CDCA5: variants seen among roughly 807,000 people sequenced by gnomAD.
CDCA5 encodes sororin.
CDCA5 carries 14 observed loss-of-function variants against 25.7 expected under a neutral mutation model. That is an observed-to-expected ratio of 0.54 (90% CI 0.36 to 0.85). The LOEUF is 0.85. Among genes scored for constraint, CDCA5 ranks in the 40% least tolerant of loss-of-function variants. The pLI, the probability that CDCA5 is intolerant of heterozygous loss-of-function variation, is 0.01. For missense variants in CDCA5, 307 were observed against 324.5 expected, an observed-to-expected ratio of 0.95 and a Z score of 0.41; for synonymous variants, 127 against 128.7, an observed-to-expected ratio of 0.99 and a Z score of 0.09.
Position 65,083,476 on chromosome 11 carries a change from A to G in CDCA5, c.207+9T>C, listed in dbSNP as rs1947617886. 6.2e-7 allele frequency: 1 copy of G among 1,614,172 alleles called. No individual in the cohort carries two copies. The highest frequency in any genetic ancestry group is 8.5e-7 in the Non-Finnish European group (1 of 1,180,010). ...CCTAACCACCCACAACACTCTCCTT[A>G]GCCTTTACCTCTACAGCATGGGCCA... is the stretch of plus-strand genomic sequence containing the variant. On this transcript the variant is annotated intron_variant, in intron 3 of 5. Coordinates refer to ENST00000275517, the MANE Select transcript of CDCA5 (RefSeq NM_080668.4).
downstream of CDCA5, among the ~76,000 whole-genome samples, chr11:65,065,124 T>C (rs1318356190): frequency 3.3e-5 from 5 of 152,122 alleles, no homozygotes; most frequent in African/African-American, 1.2e-4. Context: ...ACACGAGGAT[T>C]AACGAAGGAA....
chr11:65,083,223 A>AATG, intron 4 of CDCA5, 141 bp downstream of exon 4: 1 of 846,900 alleles, frequency 1.2e-6, no homozygotes, highest in Admixed American at 2.1e-5. Context: ...AAGACTGGCA[A>AATG]TGCATGCAGG....
intron 2 of CDCA5, among the ~76,000 whole-genome samples, chr11:65,068,295 G>A (rs923107306): frequency 6.6e-6 from 1 of 152,156 alleles, no homozygotes; most frequent in Admixed American, 6.5e-5. Context: ...CTGTCCAGGA[G>A]GCCCTCCAGC....
downstream of CDCA5, among the ~76,000 whole-genome samples, chr11:65,073,088 G>C (rs1401653838): frequency 6.6e-6 from 1 of 151,588 alleles, no homozygotes; most frequent in Non-Finnish European, 1.5e-5. Flanking sequence ...GGGATTACAG[G>C]TGCCCGCCAC....
rs745805131 is a variant in CDCA5 at position 65,082,386 on chromosome 11, C to T, written c.243+978G>A. Among the ~76,000 whole-genome samples, 3 of 152,112 alleles carry T rather than the reference C, an allele frequency of 2.0e-5. 1 individual carries two copies. The highest frequency in any genetic ancestry group is 1.5e-5 in the Non-Finnish European group (1 of 67,984). ...AGACACTAAACAAATTGCTATTCCC[C>T]GAACCTTGATTTTTCTTTAAATTCC... On this transcript the variant is annotated intron_variant, in intron 4 of 5. Transcript: ENST00000275517.
At position 65,078,231 on chromosome 11, in the gene CDCA5, G is replaced by T. The variant is rs1406526939; in HGVS notation, c.*876C>A. 2.2e-5 allele frequency: 22 copies of T among 985,332 alleles called. No homozygotes were observed. The highest frequency in any genetic ancestry group is 2.7e-5 in the Non-Finnish European group (22 of 829,976). The allele number at this position is 985,332 out of a possible 1,614,324, so 61.0% of individuals were successfully genotyped here. ...GTGTAACTTATTTTGTAAGAAATGGGTATGGGTGACAAGAGGGGCCACCTT... is the reference window on the plus strand; with the variant it reads ...GTGTAACTTATTTTGTAAGAAATGGTTATGGGTGACAAGAGGGGCCACCTT... On this transcript the variant is annotated 3_prime_UTR_variant, in exon 6 of 6. Coordinates refer to ENST00000275517, the MANE Select transcript of CDCA5 (RefSeq NM_080668.4).
chr11:65,069,447 G>A (rs1292368573), intron 1 of CDCA5, among the ~76,000 whole-genome samples: 1 of 151,940 alleles, frequency 6.6e-6, no homozygotes, highest in Admixed American at 6.6e-5. Flanking sequence ...ACCTTTCTAG[G>A]CAGCCTAAAA....
chr11:65,082,088 G>A (rs887554938), intron 4 of CDCA5, among the ~76,000 whole-genome samples: 2 of 152,182 alleles, frequency 1.3e-5, no homozygotes, highest in African/African-American at 4.8e-5. Flanking sequence ...TTTAGCTCAC[G>A]CCCTTGGCTT....
downstream of CDCA5, among the ~76,000 whole-genome samples, chr11:65,065,287 A>T (rs190928315): frequency 8.0e-3 from 1,167 of 146,538 alleles, 14 homozygotes; most frequent in African/African-American, 0.029. Context: ...ATTTTAAATT[A>T]AAAAAAAAAT....
chr11:65,080,064 G>C (rs1476678849), intron 4 of CDCA5, among the ~76,000 whole-genome samples: 2 of 151,908 alleles, frequency 1.3e-5, no homozygotes, highest in African/African-American at 4.8e-5. Flanking sequence ...CTAATTTTTT[G>C]TATTTTTAGT....
chr11:65,070,523 G>A (rs776826620), intron 1 of CDCA5, among the ~76,000 whole-genome samples: 6 of 152,024 alleles, frequency 3.9e-5, no homozygotes, highest in South Asian at 2.1e-4. Flanking sequence ...TCACTTTGTC[G>A]CCCAGGCTGG....
downstream of CDCA5, among the ~76,000 whole-genome samples, chr11:65,074,986 C>T (rs939762670): frequency 3.6e-5 from 5 of 139,844 alleles, no homozygotes; most frequent in Non-Finnish European, 6.0e-5. Flanking sequence ...CGCTTGAACT[C>T]GGGAGGTGGA....
At chr11:65,068,535 C>T in exon 2 of CDCA5, 1 of 1,289,436 alleles carries the variant, frequency 7.8e-7, no homozygotes, top group Non-Finnish European at 1.0e-6. Context: ...GGTTCTTGCT[C>T]CTCAACAGGC....
chr11:65,061,331 G>A (rs762850080), downstream of CDCA5, among the ~76,000 whole-genome samples: 11 of 152,144 alleles, frequency 7.2e-5, no homozygotes, highest in East Asian at 3.8e-4. Flanking sequence ...AGAATACAGC[G>A]GCCCCTGCTG....
chr11:65,067,371 C>T (rs1246779592), intron 4 of CDCA5, among the ~76,000 whole-genome samples: 1 of 152,194 alleles, frequency 6.6e-6, no homozygotes, highest in Non-Finnish European at 1.5e-5. Context: ...TCATGCCCTG[C>T]CCCCACCTCA....
chr11:65,062,933 A>G (rs936392874), downstream of CDCA5, among the ~76,000 whole-genome samples: 1 of 151,950 alleles, frequency 6.6e-6, no homozygotes, highest in Non-Finnish European at 1.5e-5. Context: ...TCTTTGTTTT[A>G]TTCACTGCCG....
downstream of CDCA5, among the ~76,000 whole-genome samples, chr11:65,063,235 T>C (rs957957382): frequency 3.9e-5 from 6 of 152,102 alleles, no homozygotes; most frequent in Non-Finnish European, 7.4e-5. Context: ...CTAACAGACT[T>C]TCAGTGCTGG....
downstream of CDCA5, among the ~76,000 whole-genome samples, chr11:65,074,116 C>T (rs867106617): frequency 3.9e-5 from 6 of 152,136 alleles, no homozygotes; most frequent in Non-Finnish European, 8.8e-5. Flanking sequence ...GTTTCTGTTT[C>T]GGCTGGAGTG....
chr11:65,068,685 G>A (rs893589716), intron 1 of CDCA5: 12 of 790,134 alleles, frequency 1.5e-5, no homozygotes, highest in Admixed American at 7.9e-5. Context: ...TTTAGGGGGC[G>A]GCTTCCAGCC....
Sources: gnomAD v4.1 joint callset for allele counts (sites outside exome capture counted in the v4.1 genomes callset) on GRCh38, gnomAD v4.1.1 for gene constraint, MANE v1.5 for transcripts, NCBI Gene and HGNC (gene_info 2026-07-23, HGNC 2026-07-21) for gene names.